The following DNAH7 variants were observed in gnomAD, a reference collection of about 807,000 sequenced individuals.
DNAH7 encodes dynein axonemal heavy chain 7.
A neutral mutation model predicts 444.6 loss-of-function variants in DNAH7; 397 were observed. The ratio of observed to expected loss-of-function variants is 0.89; its 90% CI spans 0.82 to 0.97. The LOEUF is 0.97. Ranked by LOEUF, DNAH7 falls within the 50% of genes least tolerant of loss-of-function variation. DNAH7 has a pLI of 0.00. For synonymous variants in DNAH7, 1,636 were observed against 1,624.4 expected (o/e 1.01, Z -0.17); for missense variants, 4,902 against 4,800.8 (o/e 1.02, Z -0.62).
At chr2:195,960,157 G>A (rs551332134) in intron 18 of DNAH7, 103 bp downstream of exon 18, 2 of 914,272 alleles carry the variant, frequency 2.2e-6, no homozygotes, top group East Asian at 5.3e-5. Flanking sequence ...AAAATATTAA[G>A]TATGAAATAT....
chr2:195,787,089 C>T lies in DNAH7; in HGVS notation c.10799G>A (p.Trp3600Ter), dbSNP rs1267529760. 3.1e-6 allele frequency: 5 copies of T among 1,612,596 alleles called. No individual in the cohort carries two copies. Among genetic ancestry groups the T allele is most frequent in the Non-Finnish European group, 3.4e-6 (4 of 1,179,614 alleles). ...QERRKFGPLG[W>*]NIPYEFNETD... ...CTCATTGAACTCATAAGGAATATTCCACCCTAGGGGTCCAAATTTCCGTCT... is the reference window on the plus strand; with the variant it reads ...CTCATTGAACTCATAAGGAATATTCTACCCTAGGGGTCCAAATTTCCGTCT... The change falls in exon 58 of 65, where the codon TGG (tryptophan) becomes TAG (stop). Residue 3600 changes from tryptophan to a stop codon, truncating the protein, a stop_gained. Transcript: ENST00000312428. LOFTEE classifies it high-confidence loss of function.
chr2:195,793,635 CTT>C (rs897336091), intron 57 of DNAH7, among the ~76,000 whole-genome samples: 13 of 152,278 alleles, frequency 8.5e-5, no homozygotes, highest in African/African-American at 3.1e-4. Flanking sequence ...GTACCCAAGA[CTT>C]TTGTTTAATG....
chr2:195,981,271 G>A (rs1293319940), intron 15 of DNAH7, among the ~76,000 whole-genome samples: 1 of 151,432 alleles, frequency 6.6e-6, no homozygotes, highest in African/African-American at 2.4e-5. Context: ...TAAATACCTA[G>A]GATTAACCAA....
intron 46 of DNAH7, among the ~76,000 whole-genome samples, chr2:195,849,844 C>T (rs1008394547): frequency 1.3e-5 from 2 of 152,100 alleles, no homozygotes; most frequent in East Asian, 1.9e-4. Flanking sequence ...CTCAAGCAAT[C>T]GGCACACCTC....
chr2:195,997,557 G>A (rs950130302), intron 12 of DNAH7, among the ~76,000 whole-genome samples: 1 of 152,066 alleles, frequency 6.6e-6, no homozygotes, highest in Non-Finnish European at 1.5e-5. Flanking sequence ...TAACAGTTAT[G>A]AGAAATGATA....
intron 60 of DNAH7, among the ~76,000 whole-genome samples, chr2:195,772,551 C>T (rs567749065): frequency 4.6e-5 from 7 of 151,996 alleles, no homozygotes; most frequent in Non-Finnish European, 1.0e-4. Flanking sequence ...ATTAAATCCT[C>T]AGAACAAATG....
At chr2:195,872,740 G>C (rs919784034) in intron 39 of DNAH7, among the ~76,000 whole-genome samples, 8 of 152,042 alleles carry the variant, frequency 5.3e-5, no homozygotes, top group Non-Finnish European at 1.0e-4. Flanking sequence ...TTAAGTAAGT[G>C]AACAGAAGAG....
At chr2:196,030,983 G>C (rs1049394305) in intron 5 of DNAH7, among the ~76,000 whole-genome samples, 9 of 152,250 alleles carry the variant, frequency 5.9e-5, no homozygotes, top group African/African-American at 1.9e-4. Context: ...CGGTGCCCCA[G>C]TAGGGACTCT....
At position 195,808,810 on chromosome 2, in the gene DNAH7, G is replaced by T. The variant is rs769495794; in HGVS notation, c.9955C>A (p.Leu3319Ile). Residue 3319 changes from leucine (L) to isoleucine (I), a missense_variant, in exon 53 of 65, where the codon CTT (leucine) becomes ATT (isoleucine). Transcript: ENST00000312428. ...GATTTCTGAGGAAGCCATGTACAAA[G>T]GTTGGCATAAGGATTATCCAGTCCA... ...GIGLDNPYANLCTWLPQKSWD... is the reference protein window; with the variant it reads ...GIGLDNPYANICTWLPQKSWD... 8 of 1,613,736 alleles carry T rather than the reference G, an allele frequency of 5.0e-6. No individual in the cohort carries two copies. Among genetic ancestry groups the T allele is most frequent in the Admixed American group, 3.3e-5 (2 of 59,970 alleles).
intron 21 of DNAH7, among the ~76,000 whole-genome samples, chr2:195,933,472 C>T (rs147385406): frequency 0.017 from 2,568 of 152,204 alleles, 65 homozygotes; most frequent in African/African-American, 0.058. Flanking sequence ...CAGCACTATT[C>T]ACAATAGCAA....
chr2:195,854,587 C>T (rs1699586220), intron 45 of DNAH7, among the ~76,000 whole-genome samples: 1 of 151,990 alleles, frequency 6.6e-6, no homozygotes, highest in African/African-American at 2.4e-5. Context: ...TCTTTCCTCA[C>T]CTATTCTTCT....
chr2:196,068,557 G>A, intron 1 of DNAH7, 140 bp downstream of exon 1: 1 of 1,138,908 alleles, frequency 8.8e-7, no homozygotes. Context: ...AGTAACCCAG[G>A]CCACAAGTGG....
intron 17 of DNAH7, among the ~76,000 whole-genome samples, chr2:195,969,230 C>G (rs1691682017): frequency 6.6e-6 from 1 of 152,094 alleles, no homozygotes; most frequent in Non-Finnish European, 1.5e-5. Context: ...CCTCAGTGGC[C>G]TTGGTTTAAA....
rs78260725 is a variant in DNAH7, at chr2:195,769,122, A to G, written c.11433+2538T>C. Among the ~76,000 whole-genome samples, 230 of 152,326 alleles carry G rather than the reference A, an allele frequency of 1.5e-3. 1 individual carries two copies. Among genetic ancestry groups the G allele is most frequent in the African/African-American group, 5.4e-3 (223 of 41,568 alleles). On this transcript the variant is annotated intron_variant, in intron 61 of 64. Transcript: ENST00000312428. The stretch of plus-strand genomic sequence containing the variant: ...CTCAAATTAGTGAAATATGAAGAGA[A>G]TGATGAAAGAATGGCATGAGAAAGG...
chr2:195,852,791 G>T (rs1047126310), intron 46 of DNAH7, among the ~76,000 whole-genome samples: 2 of 151,876 alleles, frequency 1.3e-5, no homozygotes, highest in African/African-American at 2.4e-5. Context: ...TTATCAACAG[G>T]GTTTTAGGCA....
At chr2:195,762,986 CA>C in intron 61 of DNAH7, among the ~76,000 whole-genome samples, 1 of 152,020 alleles carries the variant, frequency 6.6e-6, no homozygotes, top group Non-Finnish European at 1.5e-5. Flanking sequence ...TCAAAATATC[CA>C]AAAAAATGAA....
intron 1 of DNAH7, among the ~76,000 whole-genome samples, chr2:196,067,257 T>C (rs2125910657): frequency 6.6e-6 from 1 of 152,322 alleles, no homozygotes; most frequent in East Asian, 1.9e-4. Flanking sequence ...TAAAAGTGTA[T>C]TTTAAACTCT....
At position 195,864,958 on chromosome 2, in the gene DNAH7, T is replaced by G. The variant is rs1183026444; in HGVS notation, c.6697A>C (p.Ile2233Leu). 20 of 1,608,148 alleles carry G rather than the reference T, an allele frequency of 1.2e-5. No individual in the cohort carries two copies. Among genetic ancestry groups the G allele is most frequent in the Non-Finnish European group, 1.7e-6 (2 of 1,179,960 alleles). Reference protein sequence around the residue: ...NTDRSWLINYIQEILRNYMYE... With the variant: ...NTDRSWLINYLQEILRNYMYE... ...ATGTAGTTTCTCAAAATTTCTTGAA[T>G]GTAGTTGATGAGCCAGCTTCTGTCT... The change falls in exon 41 of 65, where the codon ATT (isoleucine) becomes CTT (leucine). Residue 2233 changes from isoleucine (I) to leucine (L), a missense_variant. Physicochemically the swap from Ile to Leu is conservative, Grantham distance 5. Transcript: ENST00000312428.
chr2:195,990,868 T>C (rs922335122), intron 12 of DNAH7, among the ~76,000 whole-genome samples: 2 of 144,732 alleles, frequency 1.4e-5, no homozygotes, highest in Non-Finnish European at 3.0e-5. Context: ...TATACATATA[T>C]ACTTAAATAT....
Sources: allele counts gnomAD v4.1 joint callset (sites outside exome capture counted in the v4.1 genomes callset), GRCh38; gene constraint gnomAD v4.1.1; transcripts MANE v1.5; gene names NCBI Gene and HGNC (gene_info 2026-07-23, HGNC 2026-07-21).